Variants in FYN observed in about 807,000 individuals in gnomAD.
The protein encoded by FYN is FYN proto-oncogene, Src family tyrosine kinase.
In FYN, 10 loss-of-function variants were observed where a neutral mutation model predicts 70.2. That is an observed-to-expected ratio of 0.14 (90% confidence interval 0.09 to 0.24). The LOEUF (loss-of-function observed/expected upper bound fraction) is 0.24. Among genes scored for constraint, FYN ranks in the 10% least tolerant of loss-of-function variants. The pLI is 1.00. For synonymous variants in FYN, 236 were observed against 248.6 expected (o/e 0.95, Z 0.48); for missense variants, 319 against 673.1 (o/e 0.47, Z 5.82).
At chr6:111,803,922 T>C (rs771310650) in intron 2 of FYN, among the ~76,000 whole-genome samples, 2 of 152,188 alleles carry the variant, frequency 1.3e-5, no homozygotes, top group Non-Finnish European at 2.9e-5. Context: ...ATCCATAGTG[T>C]TAGGAATGGA....
intron 3 of FYN, among the ~76,000 whole-genome samples, chr6:111,774,821 T>G (rs972284264): frequency 6.6e-6 from 1 of 152,098 alleles, no homozygotes; most frequent in Non-Finnish European, 1.5e-5. Context: ...CAGGTTCAAG[T>G]GACTCTCCTG....
chr6:111,696,347 G>T lies in FYN; in HGVS notation c.972C>A (p.Asp324Glu). Residue 324 changes from aspartate (D) to glutamate (E), a missense_variant, in exon 10 of 14, where the codon GAC becomes GAA. This residue lies in a region of FYN where 112 missense variants were observed against 250.2 expected (regional missense o/e 0.45). Coordinates refer to ENST00000354650, the MANE Select transcript of FYN (RefSeq NM_002037.5). ...EAQIMKKLKH[D>E]KLVQLYAVVS... is the part of the protein sequence containing the mutation. The stretch of plus-strand genomic sequence containing the variant: ...CCACTGCATAGAGCTGGACCAGCTT[G>T]TCGTGCTTCAGCTTCTTCATGATCT... 6.2e-7 allele frequency: 1 copy of T among 1,613,976 alleles called. No homozygotes were observed.
intron 2 of FYN, among the ~76,000 whole-genome samples, chr6:111,805,466 ATG>A (rs1344984693): frequency 6.6e-6 from 1 of 152,238 alleles, no homozygotes; most frequent in Non-Finnish European, 1.5e-5. Context: ...AACTCTACAC[ATG>A]TGAGACGCTG....
chr6:111,689,168 AC>A (rs2128426848), intron 12 of FYN, among the ~76,000 whole-genome samples: 1 of 152,278 alleles, frequency 6.6e-6, no homozygotes, highest in South Asian at 2.1e-4. Flanking sequence ...TTTTATTATC[AC>A]CATTTTACAG....
intron 2 of FYN, among the ~76,000 whole-genome samples, chr6:111,842,577 G>C (rs559635373): frequency 1.3e-5 from 2 of 152,276 alleles, no homozygotes; most frequent in South Asian, 2.1e-4. Context: ...CCAGCACTGT[G>C]AGGCCTTTGG....
intron 12 of FYN, among the ~76,000 whole-genome samples, chr6:111,678,950 CT>C (rs1798665980): frequency 6.6e-6 from 1 of 152,194 alleles, no homozygotes; most frequent in Non-Finnish European, 1.5e-5. Flanking sequence ...TACCCTTCCT[CT>C]AGTCCTCGCT....
intron 2 of FYN, among the ~76,000 whole-genome samples, chr6:111,801,933 T>TAG (rs1019947917): frequency 6.6e-6 from 1 of 152,212 alleles, no homozygotes; most frequent in African/African-American, 2.4e-5. Context: ...AGACACTGGA[T>TAG]AGATGACAAT....
At chr6:111,825,585 G>A (rs1233355407) in intron 2 of FYN, among the ~76,000 whole-genome samples, 1 of 152,206 alleles carries the variant, frequency 6.6e-6, no homozygotes, top group Non-Finnish European at 1.5e-5. Flanking sequence ...GACACACATG[G>A]TCGTGTGAGG....
At chr6:111,738,294 GT>G (rs928426030) in intron 3 of FYN, among the ~76,000 whole-genome samples, 1 of 152,210 alleles carries the variant, frequency 6.6e-6, no homozygotes, top group Non-Finnish European at 1.5e-5. Flanking sequence ...CACCCTGAGG[GT>G]TTAAGGTGAG....
At chr6:111,768,941 A>C (rs1375964563) in intron 3 of FYN, among the ~76,000 whole-genome samples, 1 of 152,238 alleles carries the variant, frequency 6.6e-6, no homozygotes, top group Non-Finnish European at 1.5e-5. Context: ...AGCATGGGAT[A>C]AAAGGATTGT....
intron 2 of FYN, among the ~76,000 whole-genome samples, chr6:111,822,581 T>C (rs1474585759): frequency 6.6e-6 from 1 of 151,910 alleles, no homozygotes; most frequent in Admixed American, 6.6e-5. Flanking sequence ...TATACATATG[T>C]AACAAACCTG....
At chr6:111,837,879 CA>C (rs749337870) in intron 2 of FYN, among the ~76,000 whole-genome samples, 1 of 152,208 alleles carries the variant, frequency 6.6e-6, no homozygotes, top group African/African-American at 2.4e-5. Flanking sequence ...AGGGACTATG[CA>C]AATGCACAAA....
rs373634134 is a variant in FYN at position 111,867,458 on chromosome 6, G to GAAAA, written c.-123+5506_-123+5509dup. Among the ~76,000 whole-genome samples, 83 of 70,324 alleles carry GAAAA rather than the reference G, an allele frequency of 1.2e-3. 1 individual carries two copies. Among genetic ancestry groups the GAAAA allele is most frequent in the African/African-American group, 3.6e-3 (65 of 18,092 alleles). The allele number at this position is 70,324 out of a possible 152,430, so 46.1% of individuals were successfully genotyped here. ...CAACAAGAGCGAAACTCCGTCTCGG[G>GAAAA]AAAAAAAAAAAAAAAAAAAAAAAAG... On this transcript the variant is annotated intron_variant, in intron 1 of 13. Transcript: ENST00000354650.
intron 2 of FYN, among the ~76,000 whole-genome samples, chr6:111,835,053 T>C (rs1158722358): frequency 1.3e-5 from 2 of 152,192 alleles, no homozygotes; most frequent in Non-Finnish European, 2.9e-5. Flanking sequence ...AAATAGGAAT[T>C]TTTATTGGAT....
intron 3 of FYN, among the ~76,000 whole-genome samples, chr6:111,720,497 A>G (rs1800880641): frequency 6.6e-6 from 1 of 152,206 alleles, no homozygotes; most frequent in Non-Finnish European, 1.5e-5. Flanking sequence ...AATTTAAGGA[A>G]GAGGGCACAG....
intron 2 of FYN, among the ~76,000 whole-genome samples, chr6:111,818,280 C>T (rs1407036727): frequency 6.6e-6 from 1 of 152,138 alleles, no homozygotes; most frequent in Admixed American, 6.5e-5. Flanking sequence ...TCATGCAATT[C>T]CTGGGTGCAA....
At chr6:111,701,398 G>T (rs1459838872) in intron 8 of FYN, among the ~76,000 whole-genome samples, 3 of 152,166 alleles carry the variant, frequency 2.0e-5, no homozygotes, top group African/African-American at 7.2e-5. Flanking sequence ...CTGCTGGGCT[G>T]TAACTTGCTT....
In FYN at chr6:111,774,694, T is replaced by C. The variant is rs1002527339; in HGVS notation, c.-12+5872A>G. On this transcript the variant is annotated intron_variant, in intron 3 of 13. Transcript: ENST00000354650. ...GGAAGATCAAATGTGCTGCAGCTTT[T>C]TCCCCCCCTACTTATTAAGGGGATG... Among the ~76,000 whole-genome samples, 63 of 151,868 alleles carry C rather than the reference T, an allele frequency of 4.1e-4. 1 individual carries two copies. The highest frequency in any genetic ancestry group is 2.1e-4 in the Non-Finnish European group (14 of 67,968).
At chr6:111,856,769 G>A (rs1437108016) in intron 1 of FYN, among the ~76,000 whole-genome samples, 2 of 151,974 alleles carry the variant, frequency 1.3e-5, no homozygotes, top group Non-Finnish European at 2.9e-5. Flanking sequence ...AATATGAGAT[G>A]CATTTATGTT....
Sources: gnomAD v4.1 joint callset for allele counts (sites outside exome capture counted in the v4.1 genomes callset) on GRCh38, gnomAD v4.1.1 for gene constraint, gnomAD v4.1.1 regional missense constraint, MANE v1.5 for transcripts, NCBI Gene and HGNC (gene_info 2026-07-23, HGNC 2026-07-21) for gene names.